The following NALF1 variants were observed in gnomAD, a reference collection of about 807,000 sequenced individuals.
NALF1 encodes the protein family with sequence similarity 155 member A.
Under a neutral mutation model 48.4 loss-of-function variants are expected in NALF1, and 3 were observed. The ratio of observed to expected loss-of-function variants is 0.06; its 90% CI spans 0.03 to 0.16. The LOEUF (loss-of-function observed/expected upper bound fraction) is 0.16. Ranked by LOEUF, NALF1 falls within the 10% of genes least tolerant of loss-of-function variation. The pLI, the probability that NALF1 is intolerant of heterozygous loss-of-function variation, is 1.00. For synonymous variants in NALF1, 262 were observed against 245.7 expected, an observed-to-expected ratio of 1.07 and a Z score of -0.62; for missense variants, 526 against 571.5, an observed-to-expected ratio of 0.92 and a Z score of 0.81.
intron 1 of NALF1, among the ~76,000 whole-genome samples, chr13:107,325,990 T>C (rs9587353): frequency 6.7e-5 from 10 of 148,848 alleles, no homozygotes; most frequent in African/African-American, 2.5e-4. Context: ...TATACATATA[T>C]ACATATATAT....
chr13:107,313,354 G>A (rs935538357), intron 1 of NALF1, among the ~76,000 whole-genome samples: 3 of 151,988 alleles, frequency 2.0e-5, no homozygotes, highest in African/African-American at 7.2e-5. Flanking sequence ...ACATGAAAGG[G>A]AAATGTCAAG....
In NALF1 at chr13:107,847,544, A is replaced by T. The variant is rs537957172; in HGVS notation, c.915+18138T>A. Among the ~76,000 whole-genome samples the T allele has an allele frequency of 9.2e-5, 14 of 152,312 alleles. No individual in the cohort carries two copies. The South Asian group carries it at 2.9e-3, about 32-fold the overall frequency. ...ATTGAAACATCTGTCTTACTGAGAA[A>T]CATTCCCCCTTGCTGGCTTTAAAGA... On this transcript the variant is annotated intron_variant, in intron 1 of 2. Transcript: ENST00000375915.
chr13:107,392,694 C>T (rs138342171), intron 1 of NALF1, among the ~76,000 whole-genome samples: 5 of 151,636 alleles, frequency 3.3e-5, no homozygotes, highest in East Asian at 3.9e-4. Flanking sequence ...TGTGTGTGTG[C>T]GCGTGCATGC....
intron 1 of NALF1, among the ~76,000 whole-genome samples, chr13:107,829,834 G>A (rs1000203471): frequency 6.6e-6 from 1 of 152,064 alleles, no homozygotes; most frequent in Non-Finnish European, 1.5e-5. Flanking sequence ...TAATAGGAGG[G>A]TACATACGAT....
intron 1 of NALF1, among the ~76,000 whole-genome samples, chr13:107,282,438 T>C (rs1039163286): frequency 5.3e-5 from 8 of 152,158 alleles, no homozygotes; most frequent in African/African-American, 1.7e-4. Flanking sequence ...GGTGAACCTG[T>C]TGACTAAGAG....
intron 1 of NALF1, among the ~76,000 whole-genome samples, chr13:107,437,167 C>T (rs1209614946): frequency 1.3e-5 from 2 of 151,906 alleles, no homozygotes; most frequent in Non-Finnish European, 2.9e-5. Context: ...AAAGAAATGC[C>T]AATTAAAAGC....
intron 1 of NALF1, among the ~76,000 whole-genome samples, chr13:107,756,453 A>ATATATATATT (rs1384069522): frequency 1.3e-5 from 2 of 151,072 alleles, no homozygotes; most frequent in Non-Finnish European, 2.9e-5. Flanking sequence ...ATATATATAT[A>ATATATATATT]TAAAGCATAA....
intron 1 of NALF1, among the ~76,000 whole-genome samples, chr13:107,843,776 A>G (rs901774022): frequency 6.6e-6 from 1 of 152,180 alleles, no homozygotes; most frequent in Admixed American, 6.5e-5. Context: ...GAGCCAGTAG[A>G]AACATAAGCC....
intron 1 of NALF1, among the ~76,000 whole-genome samples, chr13:107,268,754 A>G (rs2138860730): frequency 6.6e-6 from 1 of 152,324 alleles, no homozygotes; most frequent in South Asian, 2.1e-4. Context: ...GTCAGGGTCC[A>G]GGGGACGGTA....
At chr13:107,403,188 C>CTTTTTTTT (rs10710356) in intron 1 of NALF1, among the ~76,000 whole-genome samples, 13 of 42,476 alleles carry the variant, frequency 3.1e-4, no homozygotes, top group East Asian at 9.2e-4. Context: ...CTTGTTCGGG[C>CTTTTTTTT]TTTTTTTTTT....
At chr13:107,213,281 A>C (rs1879805110) in intron 1 of NALF1, among the ~76,000 whole-genome samples, 2 of 150,458 alleles carry the variant, frequency 1.3e-5, no homozygotes, top group Non-Finnish European at 3.0e-5. Context: ...AAGAGATCAC[A>C]GCATTTTTTT....
At chr13:107,605,859 C>A (rs928971864) in intron 1 of NALF1, among the ~76,000 whole-genome samples, 2 of 152,192 alleles carry the variant, frequency 1.3e-5, no homozygotes, top group African/African-American at 4.8e-5. Context: ...CCTGTTCCCA[C>A]GCTGAGAAGC....
At chr13:107,430,089 C>T (rs1884350467) in intron 1 of NALF1, among the ~76,000 whole-genome samples, 1 of 152,062 alleles carries the variant, frequency 6.6e-6, no homozygotes, top group Non-Finnish European at 1.5e-5. Context: ...GAATATATTC[C>T]CAGCAGGGAA....
chr13:107,709,170 A>C (rs1020488169), intron 1 of NALF1, among the ~76,000 whole-genome samples: 1 of 152,260 alleles, frequency 6.6e-6, no homozygotes, highest in Non-Finnish European at 1.5e-5. Flanking sequence ...GAAGTAGTGT[A>C]GAGTCCATAA....
rs1402541638 is a variant in NALF1, at chr13:107,170,559, T to C, written c.1315A>G (p.Thr439Ala). Residue 439 changes from threonine to alanine, a missense_variant, in exon 3 of 3, where the codon ACA becomes GCA. Thr to Ala is a moderately conservative substitution (Grantham distance 58, BLOSUM62 0). Coordinates refer to ENST00000375915, the MANE Select transcript of NALF1 (RefSeq NM_001080396.3). ...ATGCCTCCAAAGCTCAGTCCGGCTG[T>C]GTTCTGTGCTGCCGAGGCTGTGAGC... is the stretch of plus-strand genomic sequence containing the variant. ...TVLTASAAQN[T>A]AGLSFGGINT... 3.9e-5 allele frequency: 63 copies of C among 1,613,950 alleles called. No individual in the cohort carries two copies. The highest frequency in any genetic ancestry group is 5.2e-5 in the Non-Finnish European group (61 of 1,180,004).
intron 1 of NALF1, among the ~76,000 whole-genome samples, chr13:107,411,585 T>C (rs1298486238): frequency 6.6e-6 from 1 of 152,126 alleles, no homozygotes; most frequent in East Asian, 1.9e-4. Flanking sequence ...GATGGAGCAC[T>C]GAGAAGCCGT....
intron 1 of NALF1, among the ~76,000 whole-genome samples, chr13:107,824,178 A>G (rs776698055): frequency 6.6e-6 from 1 of 152,066 alleles, no homozygotes; most frequent in Non-Finnish European, 1.5e-5. Context: ...AATTCCATCC[A>G]TCTGCTTTCC....
At chr13:107,826,669 T>C (rs1354923086) in intron 1 of NALF1, among the ~76,000 whole-genome samples, 1 of 152,214 alleles carries the variant, frequency 6.6e-6, no homozygotes, top group Non-Finnish European at 1.5e-5. Flanking sequence ...AAAACATACA[T>C]AAGACCAGTG....
intron 1 of NALF1, among the ~76,000 whole-genome samples, chr13:107,805,149 T>G (rs762315134): frequency 3.3e-5 from 5 of 152,188 alleles, no homozygotes; most frequent in Non-Finnish European, 7.3e-5. Context: ...AGAAGTGTAA[T>G]TATCCTAGGT....
Sources: gnomAD v4.1 joint callset for allele counts (sites outside exome capture counted in the v4.1 genomes callset) on GRCh38, gnomAD v4.1.1 for gene constraint, MANE v1.5 for transcripts, NCBI Gene and HGNC (gene_info 2026-07-23, HGNC 2026-07-21) for gene names.